The following CPLX2 variants were observed in gnomAD, a reference collection of about 807,000 sequenced individuals.
CPLX2 encodes complexin 2, also known as complexin-2.
CPLX2 carries 5 observed loss-of-function variants against 16.3 expected under a neutral mutation model. The ratio of observed to expected loss-of-function variants is 0.31; its 90% CI spans 0.16 to 0.64. The LOEUF is 0.64. Among genes scored for constraint, CPLX2 ranks in the 30% least tolerant of loss-of-function variants. The probability of loss-of-function intolerance (pLI) is 0.79; values close to 1 mark genes in which losing one functional copy is unlikely to be tolerated. For synonymous variants in CPLX2, 89 were observed against 73.2 expected (o/e 1.22, Z -1.10); for missense variants, 144 against 181.4 (o/e 0.79, Z 1.18).
chr5:175,824,294 G>C (rs1487140329), intron 2 of CPLX2, among the ~76,000 whole-genome samples: 1 of 152,200 alleles, frequency 6.6e-6, no homozygotes, highest in Non-Finnish European at 1.5e-5. Flanking sequence ...ATCAGCAAGA[G>C]GTAAGCCACG....
chr5:175,850,143 A>G (rs1401511013), intron 2 of CPLX2, among the ~76,000 whole-genome samples: 1 of 100,986 alleles, frequency 9.9e-6, no homozygotes, highest in African/African-American at 3.1e-5. Flanking sequence ...TGCAAGTGAC[A>G]GTTTTTTTGT....
chr5:175,847,930 G>A (rs1181508533), intron 2 of CPLX2, among the ~76,000 whole-genome samples: 2 of 152,330 alleles, frequency 1.3e-5, no homozygotes, highest in East Asian at 3.9e-4. Flanking sequence ...TGCTGACAGT[G>A]CTGTTCCAAG....
intron 2 of CPLX2, among the ~76,000 whole-genome samples, chr5:175,834,950 A>T (rs1024538836): frequency 6.6e-6 from 1 of 152,222 alleles, no homozygotes; most frequent in Non-Finnish European, 1.5e-5. Flanking sequence ...AAGCCAGGAC[A>T]GGGTCGGGGA....
intron 2 of CPLX2, among the ~76,000 whole-genome samples, chr5:175,858,225 C>G (rs1759296943): frequency 6.6e-6 from 1 of 152,202 alleles, no homozygotes; most frequent in Non-Finnish European, 1.5e-5. Context: ...CCTGGAGCCC[C>G]AAAGTGCTCA....
intron 2 of CPLX2, among the ~76,000 whole-genome samples, chr5:175,850,799 T>C (rs1253731298): frequency 6.6e-6 from 1 of 151,966 alleles, no homozygotes; most frequent in African/African-American, 2.4e-5. Flanking sequence ...GGCAGAGCGA[T>C]GTGTTCAGAG....
intron 2 of CPLX2, among the ~76,000 whole-genome samples, chr5:175,866,548 G>A (rs531494747): frequency 6.7e-6 from 1 of 150,256 alleles, no homozygotes; most frequent in Non-Finnish European, 1.5e-5. Flanking sequence ...GCTGGGAGAC[G>A]ACTGCTTTGA....
chr5:175,844,156 G>A (rs1315789485), intron 2 of CPLX2, among the ~76,000 whole-genome samples: 1 of 152,230 alleles, frequency 6.6e-6, no homozygotes, highest in Non-Finnish European at 1.5e-5. Flanking sequence ...GGAAGGCACT[G>A]CCCAGGTGGG....
intron 2 of CPLX2, among the ~76,000 whole-genome samples, chr5:175,843,483 TCA>T (rs368761911): frequency 2.6e-5 from 4 of 152,208 alleles, no homozygotes; most frequent in African/African-American, 9.6e-5. Context: ...CAACACATGC[TCA>T]CAGTCACGCA....
chr5:175,808,306 G>A (rs931674022), intron 1 of CPLX2, among the ~76,000 whole-genome samples: 44 of 152,164 alleles, frequency 2.9e-4, no homozygotes, highest in South Asian at 2.1e-3. Context: ...AACTTGTCAC[G>A]ATGCTCAGTC....
At chr5:175,807,685 C>A in intron 1 of CPLX2, among the ~76,000 whole-genome samples, 1 of 51,758 alleles carries the variant, frequency 1.9e-5, no homozygotes, top group Admixed American at 2.0e-4. Flanking sequence ...GTCATTCACC[C>A]ACTTACTCAT....
At chr5:175,859,915 G>A (rs1304393279) in intron 2 of CPLX2, among the ~76,000 whole-genome samples, 1 of 152,220 alleles carries the variant, frequency 6.6e-6, no homozygotes, top group African/African-American at 2.4e-5. Context: ...CAAAGTTACA[G>A]ATTCCAGCAG....
intron 3 of CPLX2, among the ~76,000 whole-genome samples, chr5:175,879,328 T>C (rs4077871): frequency 0.62 from 93,750 of 152,114 alleles, 29,621 homozygotes; most frequent in East Asian, 0.91. Flanking sequence ...GTCCACCATT[T>C]CGTACTGCAG....
chr5:175,863,726 A>T (rs1285013417), intron 2 of CPLX2, among the ~76,000 whole-genome samples: 1 of 152,176 alleles, frequency 6.6e-6, no homozygotes. Context: ...AGTGGCCCAG[A>T]GCAGCCATTT....
intron 2 of CPLX2, among the ~76,000 whole-genome samples, chr5:175,834,718 C>CA (rs1314126846): frequency 6.6e-6 from 1 of 152,024 alleles, no homozygotes; most frequent in Non-Finnish European, 1.5e-5. Flanking sequence ...ACTAAAAATA[C>CA]AAAAAATTAG....
intron 2 of CPLX2, among the ~76,000 whole-genome samples, chr5:175,850,697 C>T (rs981009880): frequency 2.0e-5 from 3 of 152,116 alleles, no homozygotes; most frequent in African/African-American, 7.2e-5. Flanking sequence ...CTCATTTGAC[C>T]GAGGGCACCC....
intron 3 of CPLX2, 160 bp from the exon 4 acceptor site, chr5:175,879,688 A>G (rs1005834797): frequency 9.5e-6 from 7 of 733,432 alleles, no homozygotes; most frequent in Non-Finnish European, 1.7e-5. Context: ...ACCAGGCACC[A>G]TCCTACAGGG....
Position 175,879,962 on chromosome 5 carries a change from G to A in CPLX2, c.322G>A (p.Glu108Lys), listed in dbSNP as rs1212414716. The change falls in exon 4 of 4, where the codon GAG becomes AAG. Residue 108 changes from glutamate to lysine, a missense_variant. Transcript: ENST00000393745. ...KKAIPAGCGD[E>K]EEEEEESILD... ...GGCCATCCCTGCGGGCTGCGGGGAC[G>A]AGGAGGAGGAGGAAGAGGAGAGCAT... The A allele has an allele frequency of 8.8e-6, 14 of 1,594,388 alleles. No homozygotes were observed. Among genetic ancestry groups the A allele is most frequent in the South Asian group, 3.4e-5 (3 of 89,462 alleles).
chr5:175,855,776 G>A (rs1465466213), intron 2 of CPLX2, among the ~76,000 whole-genome samples: 1 of 152,178 alleles, frequency 6.6e-6, no homozygotes, highest in Non-Finnish European at 1.5e-5. Flanking sequence ...CTAAATCCTA[G>A]GCCTGGATTA....
chr5:175,807,279 C>T (rs1006120845), intron 1 of CPLX2, among the ~76,000 whole-genome samples: 3 of 152,240 alleles, frequency 2.0e-5, no homozygotes, highest in African/African-American at 7.2e-5. Flanking sequence ...ATTCATGGAA[C>T]AAAAGTTTAC....
Sources: allele counts gnomAD v4.1 joint callset (sites outside exome capture counted in the v4.1 genomes callset), GRCh38; gene constraint gnomAD v4.1.1; transcripts MANE v1.5; gene names NCBI Gene and HGNC (gene_info 2026-07-23, HGNC 2026-07-21).